Variants in RPL14 observed in about 807,000 individuals in gnomAD.
RPL14 encodes large ribosomal subunit protein eL14.
RPL14 carries 4 observed loss-of-function variants against 25.3 expected under a neutral mutation model. That is an observed-to-expected ratio of 0.16 (90% CI 0.08 to 0.36). The LOEUF (loss-of-function observed/expected upper bound fraction) is 0.36, where lower values mean the gene tolerates loss of function less well. RPL14 is among the 10% of genes least tolerant of loss of function. The probability of loss-of-function intolerance (pLI) is 1.00; values close to 1 mark genes in which losing one functional copy is unlikely to be tolerated. For synonymous variants in RPL14, 75 were observed against 89.8 expected, an observed-to-expected ratio of 0.84 and a Z score of 0.93; for missense variants, 212 against 261.9, an observed-to-expected ratio of 0.81 and a Z score of 1.31.
intron 3 of RPL14, among the ~76,000 whole-genome samples, chr3:40,460,565 C>T (rs1219392327): frequency 6.7e-6 from 1 of 149,228 alleles, no homozygotes; most frequent in African/African-American, 2.4e-5. Flanking sequence ...GTCCACTGCC[C>T]GAGTGGAATT....
At chr3:40,461,091 G>A (rs978692678) in intron 3 of RPL14, among the ~76,000 whole-genome samples, 2 of 152,048 alleles carry the variant, frequency 1.3e-5, no homozygotes, top group Non-Finnish European at 2.9e-5. Context: ...AGCTACTTGG[G>A]AGGCTGAGGC....
In RPL14 at chr3:40,457,482, TC is replaced by T; in HGVS notation, c.3+12del. 2 of 1,548,998 alleles carry T rather than the reference TC, an allele frequency of 1.3e-6. No homozygotes were observed. Among genetic ancestry groups the T allele is most frequent in the Non-Finnish European group, 8.7e-7 (1 of 1,143,448 alleles). On this transcript the variant is annotated intron_variant, in intron 1 of 5. Transcript: ENST00000396203. ...GGTCCCGGGAAGCGCATGGTGAGGG[TC>T]CCCGGGCCGGCTGTGCAGCGGAATC...
At chr3:40,458,905 A>T (rs1173208612) in intron 3 of RPL14, 169 bp downstream of exon 3, 4 of 615,674 alleles carry the variant, frequency 6.5e-6, no homozygotes, top group Non-Finnish European at 2.9e-6. Context: ...CCTGCGCGTG[A>T]TAGCTCATGC....
At chr3:40,458,037 C>T in intron 2 of RPL14, 46 bp downstream of exon 2, 1 of 1,453,556 alleles carries the variant, frequency 6.9e-7, no homozygotes, top group Non-Finnish European at 9.7e-7. Flanking sequence ...GACATGTGCC[C>T]TGCAGATGGC....
intron 3 of RPL14, 42 bp from the exon 4 acceptor site, chr3:40,461,365 T>C (rs1696934129): frequency 1.3e-6 from 2 of 1,551,640 alleles, no homozygotes; most frequent in Admixed American, 3.4e-5. Context: ...AATGAGTGAC[T>C]TCAAAGCTGA....
rs1199257760 is a variant in RPL14 at position 40,463,679 on chromosome 3, G to A, written c.*1447G>A. The A allele has an allele frequency of 1.3e-5, 2 of 152,198 alleles. No homozygotes were observed. The highest frequency in any genetic ancestry group is 6.5e-5 in the Admixed American group (1 of 15,272). The allele number at this position is 152,198 out of a possible 1,614,324, so 9.4% of individuals were successfully genotyped here. ...GTTATGGTCAAAATACAGGTACACA[G>A]CACTATTCAGTGTCCCTGAGGAAGA... is the stretch of plus-strand genomic sequence containing the variant. On this transcript the variant is annotated 3_prime_UTR_variant, in exon 6 of 6. Coordinates refer to ENST00000396203, the MANE Select transcript of RPL14 (RefSeq NM_001034996.3).
At position 40,457,926 on chromosome 3, in the gene RPL14, T is replaced by C. The variant is rs753832297; in HGVS notation, c.40T>C (p.Tyr14His). Residue 14 changes from tyrosine to histidine, a missense_variant, in exon 2 of 6, where the codon TAT becomes CAT. Around this residue, in one of 3 missense-constraint regions of RPL14, gnomAD observed 143 missense variants for 180.3 expected, o/e 0.79. Coordinates refer to ENST00000396203, the MANE Select transcript of RPL14 (RefSeq NM_001034996.3). ...RRFVEVGRVA[Y>H]VSFGPHAGKL... The stretch of plus-strand genomic sequence containing the variant: ...CTTCGTGGAGGTTGGCCGGGTGGCC[T>C]ATGTCTCCTTTGGACCTCATGCCGG... 1.2e-6 allele frequency: 2 copies of C among 1,614,252 alleles called. No individual in the cohort carries two copies. Among genetic ancestry groups the C allele is most frequent in the South Asian group, 1.1e-5 (1 of 91,088 alleles).
rs745731732 is a variant in RPL14, at chr3:40,457,410, G to C, written c.-62G>C. 5 of 1,594,424 alleles carry C rather than the reference G, an allele frequency of 3.1e-6. No individual in the cohort carries two copies. The highest frequency in any genetic ancestry group is 3.4e-6 in the Non-Finnish European group (4 of 1,169,812). ...TCCGGGGCCGTCGACCATGCCGCTC[G>C]ACCTCCACCTCCGCTGGGAAGCTGA... On this transcript the variant is annotated 5_prime_UTR_variant, in exon 1 of 6. Coordinates refer to ENST00000396203, the MANE Select transcript of RPL14 (RefSeq NM_001034996.3).
chr3:40,458,028 A>T lies in RPL14; in HGVS notation c.105+37A>T, dbSNP rs144199829. ...AACTTTTTACTAAACATGGCAGTGG[A>T]CATGTGCCCTGCAGATGGCAATAAT... On this transcript the variant is annotated intron_variant, in intron 2 of 5. Transcript: ENST00000396203. The T allele has an allele frequency of 5.1e-3, 7,755 of 1,511,478 alleles. 31 individuals carry two copies. The highest frequency in any genetic ancestry group is 6.5e-3 in the Non-Finnish European group (7,058 of 1,086,354). 93.6% of individuals were successfully genotyped at this position (1,511,478 alleles called of 1,614,324 possible). A position where few individuals can be genotyped will look rare whatever the true frequency, so the allele number is the denominator to read the frequency against.
rs1467432276 is a variant in RPL14 at position 40,467,082 on chromosome 3, A to G, written c.*4850A>G. 1.3e-5 allele frequency: 2 copies of G among 152,168 alleles called. No homozygotes were observed. The highest frequency in any genetic ancestry group is 4.8e-5 in the African/African-American group (2 of 41,452). The allele number at this position is 152,168 out of a possible 1,614,324, so 9.4% of individuals were successfully genotyped here. ...TCCAGTACCCTGTGTAAAGGAAAAC[A>G]TATACATCTTGCAGACATTTTTTAA... On this transcript the variant is annotated 3_prime_UTR_variant, in exon 6 of 6. Transcript: ENST00000396203.
intron 3 of RPL14, 119 bp from the exon 4 acceptor site, chr3:40,461,288 A>G (rs905539163): frequency 5.4e-6 from 4 of 741,736 alleles, no homozygotes; most frequent in Non-Finnish European, 9.2e-6. Flanking sequence ...TAAGTAAAAT[A>G]CATAGTGTAC....
rs78509176 is a variant in RPL14 at position 40,468,491 on chromosome 3, A to G, written c.*6259A>G. On this transcript the variant is annotated 3_prime_UTR_variant, in exon 6 of 6. Coordinates refer to ENST00000396203, the MANE Select transcript of RPL14 (RefSeq NM_001034996.3). ...CTGTATTTATTCTATTTGGATAGCC[A>G]TTAGATAGCCATTAAGTCCACTCAT... 8.9e-4 allele frequency: 136 copies of G among 152,332 alleles called. No individual in the cohort carries two copies. Among genetic ancestry groups the G allele is most frequent in the African/African-American group, 3.2e-3 (132 of 41,566 alleles). The allele number at this position is 152,332 out of a possible 1,614,324, so 9.4% of individuals were successfully genotyped here.
chr3:40,457,815 C>T (rs1696867662), intron 1 of RPL14, 75 bp from the exon 2 acceptor site: 4 of 1,359,300 alleles, frequency 2.9e-6, no homozygotes, highest in Non-Finnish European at 4.2e-6. Context: ...ACCATGTTGT[C>T]TTTAGCTGCA....
chr3:40,461,729 C>T, intron 5 of RPL14, 68 bp downstream of exon 5: 1 of 1,439,568 alleles, frequency 6.9e-7, no homozygotes, highest in South Asian at 1.3e-5. Context: ...AGCCAAATCC[C>T]ATTTCAGGCT....
At position 40,464,743 on chromosome 3, in the gene RPL14, A is replaced by G. The variant is rs1407022277; in HGVS notation, c.*2511A>G. On this transcript the variant is annotated 3_prime_UTR_variant, in exon 6 of 6. Transcript: ENST00000396203. ...GGAAGTGACAGTGGTAATGCCATTT[A>G]GGTGGTCTTGATCATGCATTGGACT... 1 of 307,032 alleles carries G rather than the reference A, an allele frequency of 3.3e-6. No homozygotes were observed. The highest frequency in any genetic ancestry group is 6.6e-6 in the Non-Finnish European group (1 of 152,076). The allele number at this position is 307,032 out of a possible 1,614,324, so 19.0% of individuals were successfully genotyped here.
rs1382880576 is a variant in RPL14, at chr3:40,461,453, A to G, written c.247A>G (p.Asn83Asp). 2 of 1,614,072 alleles carry G rather than the reference A, an allele frequency of 1.2e-6. No homozygotes were observed. Among genetic ancestry groups the G allele is most frequent in the Non-Finnish European group, 1.7e-6 (2 of 1,180,034 alleles). ...VRQAWQKADINTKWAATRWAK... is the reference protein window; with the variant it reads ...VRQAWQKADIDTKWAATRWAK... ...ACAAGCCTGGCAGAAGGCAGACATC[A>G]ATACAAAATGGGCAGCCACACGATG... The change falls in exon 4 of 6, where the codon AAT becomes GAT. Residue 83 changes from asparagine (N) to aspartate (D), a missense_variant. Asn to Asp is a conservative substitution (Grantham distance 23, BLOSUM62 1). Transcript: ENST00000396203.
rs1390827965 is a variant in RPL14, at chr3:40,463,018, A to C, written c.*786A>C. Reference sequence around the variant, plus strand: ...CAGCTCCCTCCACCTTCCGGGTTCAAGTGATTCTCCTGCCTTGGCTTCCCA... The same window carrying C: ...CAGCTCCCTCCACCTTCCGGGTTCACGTGATTCTCCTGCCTTGGCTTCCCA... On this transcript the variant is annotated 3_prime_UTR_variant, in exon 6 of 6. Transcript: ENST00000396203. 6.7e-6 allele frequency: 1 copy of C among 150,094 alleles called. No individual in the cohort carries two copies. The highest frequency in any genetic ancestry group is 1.5e-5 in the Non-Finnish European group (1 of 67,700). 9.3% of individuals were successfully genotyped at this position (150,094 alleles called of 1,614,324 possible). A position where few individuals can be genotyped will look rare whatever the true frequency, so the allele number is the denominator to read the frequency against.
chr3:40,467,618 T>G lies in RPL14; in HGVS notation c.*5386T>G, dbSNP rs146545785. 1 of 152,238 alleles carries G rather than the reference T, an allele frequency of 6.6e-6. No homozygotes were observed. Among genetic ancestry groups the G allele is most frequent in the African/African-American group, 2.4e-5 (1 of 41,438 alleles). 9.4% of individuals were successfully genotyped at this position (152,238 alleles called of 1,614,324 possible). A position where few individuals can be genotyped will look rare whatever the true frequency, so the allele number is the denominator to read the frequency against. The stretch of plus-strand genomic sequence containing the variant: ...CTCTTCCAGAGGTAATCTCACAGAT[T>G]TAGAAATGTTTCGCCAGCTAGCTGA... On this transcript the variant is annotated 3_prime_UTR_variant, in exon 6 of 6. Transcript: ENST00000396203.
At chr3:40,461,701 AAAT>A (rs756220096) in intron 5 of RPL14, 40 bp downstream of exon 5, 4 of 1,552,714 alleles carry the variant, frequency 2.6e-6, no homozygotes, top group African/African-American at 2.8e-5. Flanking sequence ...ACTTAGCTTT[AAAT>A]AATAAGGGAG....
Sources: gnomAD v4.1 joint callset for allele counts (sites outside exome capture counted in the v4.1 genomes callset) on GRCh38, gnomAD v4.1.1 for gene constraint, gnomAD v4.1.1 regional missense constraint, MANE v1.5 for transcripts, NCBI Gene and HGNC (gene_info 2026-07-23, HGNC 2026-07-21) for gene names.